The following TENM3 variants were observed in gnomAD, a reference collection of about 807,000 sequenced individuals.
TENM3 encodes the protein teneurin-3.
In TENM3, 63 loss-of-function variants were observed where a neutral mutation model predicts 255.1. The ratio of observed to expected loss-of-function variants is 0.25; its 90% confidence interval spans 0.20 to 0.30. The LOEUF (loss-of-function observed/expected upper bound fraction) is 0.30, where lower values mean the gene tolerates loss of function less well. Ranked by LOEUF, TENM3 falls within the 10% of genes least tolerant of loss-of-function variation. The pLI is 1.00. For missense variants in TENM3, 2,929 were observed against 3,461.1 expected (o/e 0.85, Z 3.86); for synonymous variants, 1,306 against 1,322.3 (o/e 0.99, Z 0.27).
the TENM3 span, among the ~76,000 whole-genome samples, chr4:181,849,918 C>G: frequency 1.8e-4 from 16 of 90,700 alleles, no homozygotes; most frequent in African/African-American, 5.5e-4. Context: ...TTAAAAGCAT[C>G]TCTCTCTCTC....
At chr4:182,202,903 G>T (rs1754287977) in intron 1 of TENM3, among the ~76,000 whole-genome samples, 1 of 152,132 alleles carries the variant, frequency 6.6e-6, no homozygotes, top group Admixed American at 6.5e-5. Flanking sequence ...CAAGCCCTGG[G>T]AGACAATGTG....
the TENM3 span, among the ~76,000 whole-genome samples, chr4:181,755,673 A>T: frequency 0.48 from 73,271 of 151,928 alleles, 18,219 homozygotes; most frequent in African/African-American, 0.61. Flanking sequence ...ACTATAACAT[A>T]TGTGGCTAAG....
At chr4:182,324,390 C>T in intron 2 of TENM3, 138 bp downstream of exon 2, 1 of 693,760 alleles carries the variant, frequency 1.4e-6, no homozygotes, top group Non-Finnish European at 2.5e-6. Flanking sequence ...GATATTAGAT[C>T]ATCATGCAGT....
At chr4:182,452,472 C>T (rs948230134) in intron 3 of TENM3, among the ~76,000 whole-genome samples, 1 of 152,006 alleles carries the variant, frequency 6.6e-6, no homozygotes, top group African/African-American at 2.4e-5. Context: ...ATACAAGCTG[C>T]GGAACTTCCT....
the TENM3 span, among the ~76,000 whole-genome samples, chr4:181,740,731 T>C: frequency 5.3e-5 from 8 of 151,904 alleles, no homozygotes; most frequent in Non-Finnish European, 8.8e-5. Context: ...GAAACAAATT[T>C]AGTTTCAGAA....
At chr4:181,793,606 T>C in the TENM3 span, among the ~76,000 whole-genome samples, 2 of 152,220 alleles carry the variant, frequency 1.3e-5, no homozygotes, top group Non-Finnish European at 2.9e-5. Context: ...ATGCTTAATA[T>C]TATCACTTGG....
At chr4:182,513,652 G>T (rs1481721449) in intron 3 of TENM3, among the ~76,000 whole-genome samples, 1 of 152,186 alleles carries the variant, frequency 6.6e-6, no homozygotes, top group Non-Finnish European at 1.5e-5. Context: ...GGTGACAGAT[G>T]TGGAGGAACT....
the TENM3 span, among the ~76,000 whole-genome samples, chr4:181,954,494 A>T: frequency 1.3e-5 from 2 of 152,138 alleles, no homozygotes; most frequent in African/African-American, 4.8e-5. Context: ...AATCATTGTG[A>T]CTTTAATTTG....
intron 3 of TENM3, among the ~76,000 whole-genome samples, chr4:182,473,237 T>C (rs1733305037): frequency 6.6e-6 from 1 of 152,242 alleles, no homozygotes; most frequent in African/African-American, 2.4e-5. Context: ...AAAATGTCTA[T>C]GGCTTCAAGG....
the TENM3 span, among the ~76,000 whole-genome samples, chr4:181,613,704 A>C: frequency 2.0e-5 from 3 of 152,200 alleles, no homozygotes; most frequent in Admixed American, 6.5e-5. Context: ...AAAGCTTAGA[A>C]TCATGTTGAT....
the TENM3 span, among the ~76,000 whole-genome samples, chr4:181,677,627 A>G: frequency 2.0e-5 from 3 of 152,004 alleles, no homozygotes; most frequent in African/African-American, 7.2e-5. Flanking sequence ...CAAATTGTCA[A>G]TTTTCATACT....
the TENM3 span, among the ~76,000 whole-genome samples, chr4:181,737,507 C>T: frequency 6.6e-6 from 1 of 152,090 alleles, no homozygotes; most frequent in Non-Finnish European, 1.5e-5. Flanking sequence ...AAGATGTCTT[C>T]AGATCACAAG....
chr4:181,835,487 GAAT>G, the TENM3 span, among the ~76,000 whole-genome samples: 1,320 of 152,212 alleles, frequency 8.7e-3, 19 homozygotes, highest in African/African-American at 0.03. Flanking sequence ...GTAATTACAT[GAAT>G]AATGAGGCTT....
chr4:182,012,574 A>G, the TENM3 span: 1 of 152,230 alleles, frequency 6.6e-6, no homozygotes, highest in African/African-American at 2.4e-5. Flanking sequence ...AGAGAGAAAG[A>G]AACTCACATT....
the TENM3 span, among the ~76,000 whole-genome samples, chr4:181,778,526 C>A: frequency 6.6e-6 from 1 of 152,112 alleles, no homozygotes; most frequent in Non-Finnish European, 1.5e-5. Flanking sequence ...CAGATCCCGC[C>A]GTGTTTCCCT....
chr4:182,589,439 G>A (rs1420154084), intron 3 of TENM3, among the ~76,000 whole-genome samples: 1 of 130,308 alleles, frequency 7.7e-6, no homozygotes, highest in East Asian at 2.5e-4. Flanking sequence ...TAATTCTTAG[G>A]TTTTTAATTT....
intron 3 of TENM3, among the ~76,000 whole-genome samples, chr4:182,508,843 T>A (rs1255009048): frequency 1.3e-5 from 2 of 152,246 alleles, no homozygotes; most frequent in Non-Finnish European, 2.9e-5. Flanking sequence ...GAATATTTTC[T>A]CTGCATGGAC....
intron 13 of TENM3, among the ~76,000 whole-genome samples, chr4:182,722,471 G>C (rs1759816267): frequency 6.6e-6 from 1 of 152,166 alleles, no homozygotes; most frequent in South Asian, 2.1e-4. Context: ...GATGGATAGT[G>C]AACTAGATGA....
chr4:181,464,693 G>A, the TENM3 span, among the ~76,000 whole-genome samples: 1 of 151,986 alleles, frequency 6.6e-6, no homozygotes, highest in East Asian at 1.9e-4. Flanking sequence ...GCTCATGCCT[G>A]TAATCCCAGG....
Sources: gnomAD v4.1 joint callset for allele counts (sites outside exome capture counted in the v4.1 genomes callset) on GRCh38, gnomAD v4.1.1 for gene constraint, MANE v1.5 for transcripts, NCBI Gene and HGNC (gene_info 2026-07-23, HGNC 2026-07-21) for gene names.